The following PHACTR2 variants were observed in gnomAD, a reference collection of about 807,000 sequenced individuals.
PHACTR2 encodes the protein phosphatase and actin regulator 2, also known as chromosome 6 open reading frame 56.
Under a neutral mutation model 76.0 loss-of-function variants are expected in PHACTR2, and 30 were observed. The ratio of observed to expected loss-of-function variants is 0.39; its 90% CI spans 0.30 to 0.54. The LOEUF (loss-of-function observed/expected upper bound fraction) is 0.54. PHACTR2 is among the 20% of genes least tolerant of loss of function. PHACTR2 has a pLI of 0.61. For missense variants in PHACTR2, 696 were observed against 781.1 expected, an observed-to-expected ratio of 0.89 and a Z score of 1.30; for synonymous variants, 292 against 292.5, an observed-to-expected ratio of 1.00 and a Z score of 0.02.
intron 1 of PHACTR2, among the ~76,000 whole-genome samples, chr6:143,573,105 T>A (rs1249732943): frequency 6.6e-6 from 1 of 152,230 alleles, no homozygotes. Flanking sequence ...ATATATTGCA[T>A]TTCATTGTAT....
At chr6:143,797,337 A>G (rs1775848931) in intron 11 of PHACTR2, among the ~76,000 whole-genome samples, 1 of 152,168 alleles carries the variant, frequency 6.6e-6, no homozygotes, top group Non-Finnish European at 1.5e-5. Context: ...TAGATTGCAA[A>G]AATTTTCTCC....
In PHACTR2 at chr6:143,811,873, G is replaced by C. The variant is rs997710550; in HGVS notation, c.1922+4740G>C. 6.6e-6 allele frequency among the ~76,000 whole-genome samples: 1 copy of C among 152,258 alleles called. No homozygotes were observed. Among genetic ancestry groups the C allele is most frequent in the East Asian group, 1.9e-4 (1 of 5,192 alleles). On this transcript the variant is annotated intron_variant, in intron 12 of 12. Transcript: ENST00000440869. This position sits in a 1 kb window ranked among gnomAD's most constrained non-coding sequence, Gnocchi z 4.1. Reference sequence around the variant, plus strand: ...GATCCAGTTTTACATTTAGCAAATTGTTCATAAAAAAGGTGGTGGTACTCT... The same window carrying C: ...GATCCAGTTTTACATTTAGCAAATTCTTCATAAAAAAGGTGGTGGTACTCT...
upstream of PHACTR2, among the ~76,000 whole-genome samples, chr6:143,674,626 C>T (rs1458869033): frequency 6.6e-6 from 1 of 152,156 alleles, no homozygotes; most frequent in African/African-American, 2.4e-5. This position sits in a 1 kb window ranked among gnomAD's most constrained non-coding sequence, Gnocchi z 4.9. Context: ...CCCTTCCCTC[C>T]CATCATAATT....
rs776100187 is a variant in PHACTR2, at chr6:143,624,985, G to C, written c.13+16663G>C. Among the ~76,000 whole-genome samples, 20 of 152,018 alleles carry C rather than the reference G, an allele frequency of 1.3e-4. No homozygotes were observed. The highest frequency in any genetic ancestry group is 2.9e-4 in the Non-Finnish European group (20 of 68,000). The stretch of plus-strand genomic sequence containing the variant: ...AGCCTGGTCAACATGGTGAAAACCC[G>C]TATCTACTGAAAATAGAAAAATTAG... On this transcript the variant is annotated intron_variant, in intron 1 of 11. Coordinates refer to the PHACTR2 transcript ENST00000305766. This position sits in a 1 kb window ranked among gnomAD's most constrained non-coding sequence, Gnocchi z 4.6.
In PHACTR2 at chr6:143,827,797, T is replaced by G. The variant is rs891990913; in HGVS notation, c.*4108T>G. On this transcript the variant is annotated 3_prime_UTR_variant, in exon 13 of 13. Transcript: ENST00000440869. Reference sequence around the variant, plus strand: ...AGGTAGTCTCTACTTACTGGTAGGATAGATTACATTGCTTTACTGGACAAA... The same window carrying G: ...AGGTAGTCTCTACTTACTGGTAGGAGAGATTACATTGCTTTACTGGACAAA... 1 of 152,170 alleles carries G rather than the reference T, an allele frequency of 6.6e-6. No individual in the cohort carries two copies. The highest frequency in any genetic ancestry group is 1.5e-5 in the Non-Finnish European group (1 of 68,030). 9.4% of individuals were successfully genotyped at this position (152,170 alleles called of 1,614,324 possible).
intron 1 of PHACTR2, among the ~76,000 whole-genome samples, chr6:143,567,295 G>A (rs1003596466): frequency 6.6e-6 from 1 of 152,006 alleles, no homozygotes; most frequent in Admixed American, 6.6e-5. Flanking sequence ...TCCCTCTCTC[G>A]TTCTCTCATT....
chr6:143,592,066 G>A lies in PHACTR2; in HGVS notation c.217+54859G>A, dbSNP rs1247928858. On this transcript the variant is annotated intron_variant, in intron 1 of 11. Transcript: ENST00000367584. The surrounding 1 kb of genome is among the most constrained non-coding windows in gnomAD (Gnocchi z 4.0). ...ACTCTGACACAATGGGACAGACCTG[G>A]TGGTGCTCTGAGGAGTGGGTGCTTC... 2.0e-5 allele frequency among the ~76,000 whole-genome samples: 3 copies of A among 152,188 alleles called. No homozygotes were observed. Among genetic ancestry groups the A allele is most frequent in the African/African-American group, 7.2e-5 (3 of 41,442 alleles).
chr6:143,598,235 G>A lies in PHACTR2; in HGVS notation c.217+61028G>A, dbSNP rs997691397. On this transcript the variant is annotated intron_variant, in intron 1 of 11. Transcript: ENST00000367584. This position sits in a 1 kb window ranked among gnomAD's most constrained non-coding sequence, Gnocchi z 4.1. ...AAATGATCCTACATTATTTGGCTGG[G>A]CTCAGTGTAATCACAGGATTCCTTA... Among the ~76,000 whole-genome samples, 1 of 152,164 alleles carries A rather than the reference G, an allele frequency of 6.6e-6. No individual in the cohort carries two copies. Among genetic ancestry groups the A allele is most frequent in the African/African-American group, 2.4e-5 (1 of 41,430 alleles).
intron 5 of PHACTR2, among the ~76,000 whole-genome samples, chr6:143,763,005 G>GA (rs1290357227): frequency 1.1e-4 from 16 of 151,696 alleles, no homozygotes; most frequent in African/African-American, 3.4e-4. Flanking sequence ...TCTGGGCAGT[G>GA]AAAAAAAATG....
At chr6:143,640,593 T>C (rs188646549) in intron 1 of PHACTR2, among the ~76,000 whole-genome samples, 14 of 152,322 alleles carry the variant, frequency 9.2e-5, no homozygotes, top group East Asian at 5.8e-4. Flanking sequence ...TTCCTCTTGA[T>C]TGAGCCTCAG....
chr6:143,690,106 A>G (rs1582774801), intron 1 of PHACTR2, among the ~76,000 whole-genome samples: 1 of 152,322 alleles, frequency 6.6e-6, no homozygotes. Context: ...TCTCTCCTGC[A>G]TACCTTTTGT....
chr6:143,643,461 A>G (rs192664689), intron 1 of PHACTR2, among the ~76,000 whole-genome samples: 1 of 152,336 alleles, frequency 6.6e-6, no homozygotes, highest in East Asian at 1.9e-4. Context: ...AATTTTAGTA[A>G]CATTCCTTTG....
At position 143,627,266 on chromosome 6, in the gene PHACTR2, T is replaced by G. The variant is rs1050093692; in HGVS notation, c.13+18944T>G. ...AGAGGGAAATGTGAGTCTCTAACTT[T>G]GTAGCTAAACATTATTATTTTCAAA... On this transcript the variant is annotated intron_variant, in intron 1 of 11. Transcript: ENST00000305766. This position sits in a 1 kb window ranked among gnomAD's most constrained non-coding sequence, Gnocchi z 4.3. 6.6e-6 allele frequency among the ~76,000 whole-genome samples: 1 copy of G among 152,232 alleles called. No individual in the cohort carries two copies. The highest frequency in any genetic ancestry group is 2.4e-5 in the African/African-American group (1 of 41,446).
At chr6:143,629,388 A>G in intron 1 of PHACTR2, among the ~76,000 whole-genome samples, 1 of 152,176 alleles carries the variant, frequency 6.6e-6, no homozygotes, top group East Asian at 1.9e-4. Flanking sequence ...TTGAATTATT[A>G]TCAAGCTCCA....
At chr6:143,797,153 A>G (rs921608833) in intron 11 of PHACTR2, among the ~76,000 whole-genome samples, 1 of 152,204 alleles carries the variant, frequency 6.6e-6, no homozygotes, top group African/African-American at 2.4e-5. Flanking sequence ...CATTTCTCTC[A>G]TGACCAGTGA....
intron 1 of PHACTR2, among the ~76,000 whole-genome samples, chr6:143,559,482 C>G (rs1180758657): frequency 2.0e-5 from 3 of 152,074 alleles, no homozygotes; most frequent in African/African-American, 7.2e-5. Flanking sequence ...TGACATCTCT[C>G]CCTCCTACCT....
intron 1 of PHACTR2, among the ~76,000 whole-genome samples, chr6:143,564,560 A>C (rs1775335506): frequency 6.6e-6 from 1 of 152,106 alleles, no homozygotes; most frequent in Non-Finnish European, 1.5e-5. Context: ...TGGATTTAAA[A>C]TTTCCCTCCA....
rs1776601231 is a variant in PHACTR2, at chr6:143,828,907, A to G, written c.*5218A>G. 1 of 152,194 alleles carries G rather than the reference A, an allele frequency of 6.6e-6. No individual in the cohort carries two copies. The highest frequency in any genetic ancestry group is 2.4e-5 in the African/African-American group (1 of 41,454). The allele number at this position is 152,194 out of a possible 1,614,324, so 9.4% of individuals were successfully genotyped here. A position where few individuals can be genotyped will look rare whatever the true frequency, so the allele number is the denominator to read the frequency against. On this transcript the variant is annotated 3_prime_UTR_variant, in exon 13 of 13. Transcript: ENST00000440869. The surrounding 1 kb of genome is among the most constrained non-coding windows in gnomAD (Gnocchi z 4.7). ...CAAATGCCCTCCCTGGGAGGTTGGT[A>G]TCACCTCCCCTGAATGCCACTGTCT...
At position 143,760,160 on chromosome 6, in the gene PHACTR2, C is replaced by T. The variant is rs141113199; in HGVS notation, c.455-241C>T. Among the ~76,000 whole-genome samples, 1,290 of 152,312 alleles carry T rather than the reference C, an allele frequency of 8.5e-3. 9 individuals are homozygous for T. The highest frequency in any genetic ancestry group is 0.013 in the Non-Finnish European group (871 of 68,032). ...ACACACATCCTCAACCTAATTTCGT[C>T]AAAGTAGTTTGTATAACCCGGTTTT... On this transcript the variant is annotated intron_variant, in intron 4 of 12. Coordinates refer to ENST00000440869, the MANE Select transcript of PHACTR2 (RefSeq NM_001100164.2). The surrounding 1 kb of genome is among the most constrained non-coding windows in gnomAD (Gnocchi z 6.4).
Sources: gnomAD v4.1 joint callset for allele counts (sites outside exome capture counted in the v4.1 genomes callset) on GRCh38, gnomAD v4.1.1 for gene constraint, Gnocchi (gnomAD v3.1) non-coding constraint, MANE v1.5 for transcripts, NCBI Gene and HGNC (gene_info 2026-07-23, HGNC 2026-07-21) for gene names.